The following TMEM132D variants were observed in gnomAD, a reference collection of about 807,000 sequenced individuals.
TMEM132D encodes transmembrane protein 132D, also known as mature OL transmembrane protein.
A neutral mutation model predicts 62.3 loss-of-function variants in TMEM132D; 21 were observed. The observed-to-expected ratio is 0.34, with a 90% CI of 0.24 to 0.49. The LOEUF (loss-of-function observed/expected upper bound fraction) is 0.49. Ranked by LOEUF, TMEM132D falls within the 20% of genes least tolerant of loss-of-function variation. TMEM132D has a pLI of 0.99. For missense variants in TMEM132D, 1,346 were observed against 1,402.8 expected, an observed-to-expected ratio of 0.96 and a Z score of 0.65; for synonymous variants, 621 against 575.6, an observed-to-expected ratio of 1.08 and a Z score of -1.13.
chr12:129,390,591 T>C (rs1472665656), intron 3 of TMEM132D, among the ~76,000 whole-genome samples: 3 of 152,208 alleles, frequency 2.0e-5, no homozygotes, highest in Non-Finnish European at 4.4e-5. Context: ...TTCAGGGTTA[T>C]GCTGATTTTG....
At chr12:129,796,187 A>T (rs372859411) in intron 1 of TMEM132D, among the ~76,000 whole-genome samples, 1 of 152,074 alleles carries the variant, frequency 6.6e-6, no homozygotes, top group Non-Finnish European at 1.5e-5. Flanking sequence ...TAAATAAATA[A>T]AAATTAATGA....
chr12:129,084,166 T>A (rs1006194416), intron 6 of TMEM132D, among the ~76,000 whole-genome samples: 2 of 152,060 alleles, frequency 1.3e-5, no homozygotes, highest in African/African-American at 4.8e-5. Flanking sequence ...AGCCACTCAG[T>A]GTGTTTGAGG....
intron 1 of TMEM132D, among the ~76,000 whole-genome samples, chr12:129,858,556 G>A (rs371061346): frequency 5.5e-4 from 23 of 41,458 alleles, no homozygotes; most frequent in East Asian, 1.4e-3. Context: ...GAGTCCGGGG[G>A]AACGGGATGG....
At chr12:129,434,878 A>G (rs1173813164) in intron 3 of TMEM132D, among the ~76,000 whole-genome samples, 2 of 152,104 alleles carry the variant, frequency 1.3e-5, no homozygotes, top group Admixed American at 6.6e-5. Flanking sequence ...TGTTAACTAT[A>G]TCACCCTACA....
intron 5 of TMEM132D, among the ~76,000 whole-genome samples, chr12:129,106,685 G>C (rs1474515675): frequency 6.6e-6 from 1 of 152,114 alleles, no homozygotes; most frequent in Non-Finnish European, 1.5e-5. Context: ...AGGAGGGCAG[G>C]CTCTGCCTCC....
At chr12:129,173,092 GA>G (rs1379751875) in intron 5 of TMEM132D, among the ~76,000 whole-genome samples, 2 of 152,250 alleles carry the variant, frequency 1.3e-5, no homozygotes, top group East Asian at 3.9e-4. Context: ...TAATAAAAAA[GA>G]AAAAGCTTGA....
chr12:129,895,279 T>C (rs988747572), intron 1 of TMEM132D, among the ~76,000 whole-genome samples: 7 of 152,210 alleles, frequency 4.6e-5, no homozygotes, highest in Middle Eastern at 3.2e-3. Context: ...CTTCATTTGT[T>C]TGTAACGTTA....
intron 3 of TMEM132D, among the ~76,000 whole-genome samples, chr12:129,470,060 T>C (rs1874049204): frequency 6.6e-6 from 1 of 152,166 alleles, no homozygotes; most frequent in Non-Finnish European, 1.5e-5. Flanking sequence ...CTAGAATCTA[T>C]ACATGGGGAG....
intron 2 of TMEM132D, among the ~76,000 whole-genome samples, chr12:129,649,431 G>A (rs962357197): frequency 2.0e-5 from 3 of 151,970 alleles, no homozygotes; most frequent in Non-Finnish European, 2.9e-5. Flanking sequence ...GGTAAAATAC[G>A]GCATGAAATG....
At chr12:129,155,718 C>T (rs1253936401) in intron 5 of TMEM132D, among the ~76,000 whole-genome samples, 1 of 152,186 alleles carries the variant, frequency 6.6e-6, no homozygotes, top group Admixed American at 6.5e-5. Context: ...TGGATGCATC[C>T]TTTTATCAGG....
At chr12:129,131,361 C>A (rs1876369042) in intron 5 of TMEM132D, among the ~76,000 whole-genome samples, 1 of 152,188 alleles carries the variant, frequency 6.6e-6, no homozygotes, top group Non-Finnish European at 1.5e-5. Context: ...AATCCCAGCA[C>A]TTTGGGAGGC....
intron 5 of TMEM132D, among the ~76,000 whole-genome samples, chr12:129,107,749 C>T (rs1316159920): frequency 1.3e-5 from 2 of 152,114 alleles, no homozygotes; most frequent in Non-Finnish European, 2.9e-5. Context: ...TGCAGTGGCA[C>T]AATCATAGTT....
Position 129,535,656 on chromosome 12 carries a change from T to C in TMEM132D, c.969-4451A>G, listed in dbSNP as rs117175837. ...GAAATTCACACTGGGGCTATTGAAC[T>C]AATACAAATGTGTGCTATAAAGAAC... On this transcript the variant is annotated intron_variant, in intron 2 of 8. Transcript: ENST00000422113. Among the ~76,000 whole-genome samples, 601 of 152,272 alleles carry C rather than the reference T, an allele frequency of 3.9e-3. 5 individuals carry two copies. The highest frequency in any genetic ancestry group is 0.01 in the Middle Eastern group (3 of 294).
chr12:129,188,560 C>A (rs918111566), intron 5 of TMEM132D, among the ~76,000 whole-genome samples: 2 of 152,126 alleles, frequency 1.3e-5, no homozygotes, highest in African/African-American at 4.8e-5. Flanking sequence ...TCTTGCTAGC[C>A]CTGTGGTTTC....
intron 2 of TMEM132D, among the ~76,000 whole-genome samples, chr12:129,609,344 G>A (rs372292995): frequency 4.6e-5 from 7 of 152,094 alleles, no homozygotes; most frequent in South Asian, 2.1e-4. Context: ...AACATATCAC[G>A]AGAAAGAAAA....
intron 1 of TMEM132D, among the ~76,000 whole-genome samples, chr12:129,721,841 C>T (rs150521778): frequency 2.6e-5 from 4 of 152,188 alleles, no homozygotes; most frequent in East Asian, 1.9e-4. Flanking sequence ...AGCTTCCAAG[C>T]GGGCTCTCCC....
chr12:129,732,512 T>A (rs1869282980), intron 1 of TMEM132D, among the ~76,000 whole-genome samples: 1 of 152,088 alleles, frequency 6.6e-6, no homozygotes, highest in Non-Finnish European at 1.5e-5. Context: ...AAGAGTAAAG[T>A]TAAATGGCCA....
At chr12:129,477,591 C>T (rs1237404660) in intron 3 of TMEM132D, among the ~76,000 whole-genome samples, 2 of 152,068 alleles carry the variant, frequency 1.3e-5, no homozygotes, top group African/African-American at 2.4e-5. Context: ...GAGGCCGAGG[C>T]GGGTGGATCA....
intron 2 of TMEM132D, among the ~76,000 whole-genome samples, chr12:129,648,339 C>T (rs1397494941): frequency 4.6e-5 from 7 of 152,236 alleles, no homozygotes; most frequent in South Asian, 2.1e-4. Flanking sequence ...GTAACCAATC[C>T]GCATTCCCTA....
Sources: allele counts gnomAD v4.1 joint callset (sites outside exome capture counted in the v4.1 genomes callset), GRCh38; gene constraint gnomAD v4.1.1; transcripts MANE v1.5; gene names NCBI Gene and HGNC (gene_info 2026-07-23, HGNC 2026-07-21).